Variants in RAB4A observed in about 807,000 individuals in gnomAD.
RAB4A encodes ras-related protein Rab-4A.
RAB4A carries 20 observed loss-of-function variants against 34.5 expected under a neutral mutation model. That is an observed-to-expected ratio of 0.58 (90% CI 0.41 to 0.84). The LOEUF (loss-of-function observed/expected upper bound fraction) is 0.84. Ranked by LOEUF, RAB4A falls within the 40% of genes least tolerant of loss-of-function variation. The pLI is 0.00. For synonymous variants in RAB4A, 102 were observed against 100.0 expected, an observed-to-expected ratio of 1.02 and a Z score of -0.12; for missense variants, 228 against 274.5, an observed-to-expected ratio of 0.83 and a Z score of 1.20.
At chr1:229,302,303 ATATATATTTTTT>A (rs1351550285) in intron 6 of RAB4A, among the ~76,000 whole-genome samples, 39 of 39,666 alleles carry the variant, frequency 9.8e-4, no homozygotes, top group South Asian at 2.0e-3. Flanking sequence ...ATATATATAT[ATATATATTTTTT>A]TTTTTTTTTT....
At chr1:229,285,902 A>T (rs1656909676) in intron 1 of RAB4A, among the ~76,000 whole-genome samples, 1 of 152,250 alleles carries the variant, frequency 6.6e-6, no homozygotes, top group African/African-American at 2.4e-5. Context: ...TGTAAAGAAG[A>T]AGTTATTCAG....
At chr1:229,302,422 C>G (rs902824285) in intron 6 of RAB4A, among the ~76,000 whole-genome samples, 3 of 147,812 alleles carry the variant, frequency 2.0e-5, no homozygotes, top group Non-Finnish European at 4.5e-5. Context: ...GAGGCTGTCA[C>G]ATTTTCTCCT....
intron 1 of RAB4A, among the ~76,000 whole-genome samples, chr1:229,281,566 T>G (rs1488697017): frequency 6.6e-6 from 1 of 152,068 alleles, no homozygotes; most frequent in Non-Finnish European, 1.5e-5. Flanking sequence ...TAGGTCATGC[T>G]TTTTAAGTCA....
chr1:229,292,319 CTA>C (rs1226645914), intron 3 of RAB4A, among the ~76,000 whole-genome samples: 1 of 151,750 alleles, frequency 6.6e-6, no homozygotes, highest in African/African-American at 2.4e-5. Flanking sequence ...GTATAAGAAA[CTA>C]TTTGTCAAGA....
At chr1:229,293,000 G>C (rs1657134929) in intron 3 of RAB4A, among the ~76,000 whole-genome samples, 1 of 152,180 alleles carries the variant, frequency 6.6e-6, no homozygotes, top group Non-Finnish European at 1.5e-5. Context: ...GCCAAATACA[G>C]ATCTGGCAGT....
intron 3 of RAB4A, among the ~76,000 whole-genome samples, chr1:229,293,579 C>T (rs1304868013): frequency 6.6e-6 from 1 of 152,196 alleles, no homozygotes; most frequent in Non-Finnish European, 1.5e-5. Context: ...CTGGGAATGT[C>T]TAGCTAGCAG....
intron 1 of RAB4A, among the ~76,000 whole-genome samples, chr1:229,281,020 A>G (rs908687065): frequency 8.5e-5 from 13 of 152,262 alleles, no homozygotes; most frequent in African/African-American, 2.9e-4. Flanking sequence ...TTGTCTAACA[A>G]TTTACCTGTT....
intron 6 of RAB4A, among the ~76,000 whole-genome samples, chr1:229,300,177 G>A (rs1166831764): frequency 6.6e-6 from 1 of 152,186 alleles, no homozygotes; most frequent in African/African-American, 2.4e-5. Flanking sequence ...TATGGTCGAG[G>A]CACCAGTGTT....
intron 2 of RAB4A, among the ~76,000 whole-genome samples, chr1:229,287,961 T>C (rs937040712): frequency 6.6e-6 from 1 of 152,202 alleles, no homozygotes; most frequent in Non-Finnish European, 1.5e-5. Context: ...TCATAGGCAG[T>C]GTATTCCCGC....
chr1:229,271,411 G>C, intron 1 of RAB4A, 41 bp downstream of exon 1: 3 of 1,203,924 alleles, frequency 2.5e-6, no homozygotes, highest in Non-Finnish European at 2.1e-6. Context: ...GTCGGGCCGC[G>C]GGGGGCGTCG....
At chr1:229,271,508 T>A (rs1443588868) in intron 1 of RAB4A, 138 bp downstream of exon 1, 1 of 632,526 alleles carries the variant, frequency 1.6e-6, no homozygotes, top group African/African-American at 2.3e-5. Context: ...CGGAGGTGTC[T>A]GGGCTTGGGA....
chr1:229,279,344 C>T (rs1359692103), intron 1 of RAB4A, among the ~76,000 whole-genome samples: 3 of 152,226 alleles, frequency 2.0e-5, no homozygotes, highest in African/African-American at 7.2e-5. Context: ...CACTCAAGGT[C>T]ATCATTGACT....
chr1:229,272,289 C>G (rs930011005), intron 1 of RAB4A, among the ~76,000 whole-genome samples: 1 of 152,122 alleles, frequency 6.6e-6, no homozygotes, highest in African/African-American at 2.4e-5. Context: ...GAGAGAGGCT[C>G]AAGTTCAAAA....
intron 6 of RAB4A, 70 bp downstream of exon 6, chr1:229,299,142 A>G: frequency 9.3e-7 from 1 of 1,071,176 alleles, no homozygotes; most frequent in Non-Finnish European, 1.4e-6. Context: ...ATCACCTTTT[A>G]ATTAATAGTT....
intron 3 of RAB4A, among the ~76,000 whole-genome samples, chr1:229,292,311 A>G (rs1030829652): frequency 6.6e-6 from 1 of 152,196 alleles, no homozygotes; most frequent in Non-Finnish European, 1.5e-5. Context: ...AGTAATTTGT[A>G]TAAGAAACTA....
chr1:229,298,911 C>T (rs1657309892), intron 5 of RAB4A, 66 bp from the exon 6 acceptor site: 4 of 1,175,986 alleles, frequency 3.4e-6, no homozygotes, highest in Non-Finnish European at 5.0e-6. Flanking sequence ...GCTACACAGG[C>T]TTTTGTAAGT....
chr1:229,295,239 C>T (rs937591715), intron 3 of RAB4A, among the ~76,000 whole-genome samples: 1 of 152,004 alleles, frequency 6.6e-6, no homozygotes, highest in Non-Finnish European at 1.5e-5. Context: ...GGTGTCCGGC[C>T]ACTAATGGGA....
intron 1 of RAB4A, among the ~76,000 whole-genome samples, chr1:229,275,976 G>C (rs1656633756): frequency 1.3e-5 from 2 of 151,170 alleles, no homozygotes; most frequent in South Asian, 4.2e-4. Context: ...GAAATAACTT[G>C]CTCTTAGGGA....
chr1:229,279,907 C>A (rs1478075537), intron 1 of RAB4A, among the ~76,000 whole-genome samples: 1 of 152,162 alleles, frequency 6.6e-6, no homozygotes, highest in South Asian at 2.1e-4. Flanking sequence ...ATAATAAACA[C>A]CGAATCTAAT....
Sources: gnomAD v4.1 joint callset for allele counts (sites outside exome capture counted in the v4.1 genomes callset) on GRCh38, gnomAD v4.1.1 for gene constraint, MANE v1.5 for transcripts, NCBI Gene and HGNC (gene_info 2026-07-23, HGNC 2026-07-21) for gene names.